The following SEZ6L variants were observed in gnomAD, a reference collection of about 807,000 sequenced individuals.
The protein encoded by SEZ6L is seizure 6-like protein.
Under a neutral mutation model 106.2 loss-of-function variants are expected in SEZ6L, and 37 were observed. That is an observed-to-expected ratio of 0.35 (90% CI 0.27 to 0.46). The LOEUF is 0.46. SEZ6L is among the 20% of genes least tolerant of loss of function. The pLI is 1.00. For missense variants in SEZ6L, 1,172 were observed against 1,332.8 expected, an observed-to-expected ratio of 0.88 and a Z score of 1.88; for synonymous variants, 541 against 570.4, an observed-to-expected ratio of 0.95 and a Z score of 0.73.
intron 5 of SEZ6L, among the ~76,000 whole-genome samples, chr22:26,302,687 T>C (rs979430168): frequency 2.6e-5 from 4 of 152,162 alleles, no homozygotes; most frequent in Non-Finnish European, 4.4e-5. Flanking sequence ...CATAGGGCAG[T>C]TGGTCTTCAC....
intron 1 of SEZ6L, among the ~76,000 whole-genome samples, chr22:26,219,412 T>C (rs544940572): frequency 1.1e-4 from 17 of 152,254 alleles, no homozygotes; most frequent in Non-Finnish European, 1.8e-4. Flanking sequence ...GTTTTATATA[T>C]AGACAGTTTG....
intron 1 of SEZ6L, among the ~76,000 whole-genome samples, chr22:26,235,222 T>C (rs757473029): frequency 3.9e-5 from 6 of 152,158 alleles, no homozygotes; most frequent in Non-Finnish European, 8.8e-5. Flanking sequence ...GTATGATGTT[T>C]AATAGCATCC....
intron 1 of SEZ6L, among the ~76,000 whole-genome samples, chr22:26,234,757 T>C (rs2078907261): frequency 6.6e-6 from 1 of 152,144 alleles, no homozygotes; most frequent in Non-Finnish European, 1.5e-5. Context: ...TAAAGGCAAA[T>C]AGAGCACAGC....
At chr22:26,221,097 T>C (rs764483367) in intron 1 of SEZ6L, among the ~76,000 whole-genome samples, 9 of 151,996 alleles carry the variant, frequency 5.9e-5, no homozygotes, top group South Asian at 2.1e-4. Context: ...CAAATTTCCT[T>C]TGGAAGAGTC....
chr22:26,209,881 AAAGAAGGGAGAG>A (rs2078101104), intron 1 of SEZ6L, among the ~76,000 whole-genome samples: 1 of 148,794 alleles, frequency 6.7e-6, no homozygotes, highest in African/African-American at 2.5e-5. Context: ...GGAAGGAAGG[AAAGAAGGGAGAG>A]AGGAAGGAAG....
chr22:26,332,687 A>G (rs1007056852), intron 9 of SEZ6L, among the ~76,000 whole-genome samples: 1 of 152,114 alleles, frequency 6.6e-6, no homozygotes, highest in African/African-American at 2.4e-5. Context: ...AACTCAAGTG[A>G]TCCTCCAGCC....
chr22:26,260,334 A>G (rs1292643994), intron 1 of SEZ6L, among the ~76,000 whole-genome samples: 1 of 152,088 alleles, frequency 6.6e-6, no homozygotes, highest in East Asian at 1.9e-4. Flanking sequence ...TATCATTCTT[A>G]TGCCTTTTCA....
rs2084473730 is a variant in SEZ6L at position 26,383,511 on chromosome 22, CA to C, written c.*3220del. The C allele has an allele frequency of 6.6e-6, 1 of 152,092 alleles. No individual in the cohort carries two copies. Among genetic ancestry groups the C allele is most frequent in the Non-Finnish European group, 1.5e-5 (1 of 67,992 alleles). The allele number at this position is 152,092 out of a possible 1,614,324, so 9.4% of individuals were successfully genotyped here. On this transcript the variant is annotated 3_prime_UTR_variant, in exon 17 of 17. Transcript: ENST00000248933. ...TTTTATCGCCAAACAAAATAAAAAG[CA>C]AAACAAACTTTCTAAGCTAGAATAA...
intron 1 of SEZ6L, among the ~76,000 whole-genome samples, chr22:26,247,318 AAT>A (rs2079391017): frequency 6.6e-6 from 1 of 152,138 alleles, no homozygotes; most frequent in Non-Finnish European, 1.5e-5. Context: ...TACTGTGTCA[AAT>A]AGTGTCCCCA....
At chr22:26,240,079 C>CAT (rs2079073001) in intron 1 of SEZ6L, among the ~76,000 whole-genome samples, 5 of 141,060 alleles carry the variant, frequency 3.5e-5, no homozygotes, top group Non-Finnish European at 4.5e-5. Flanking sequence ...CACACACACA[C>CAT]ACACACACAC....
rs541159041 is a variant in SEZ6L, at chr22:26,313,701, C to T, written c.1877-63C>T. The T allele has an allele frequency of 8.3e-6, 13 of 1,573,686 alleles. No homozygotes were observed. The East Asian group carries it at 2.3e-4, about 27-fold the overall frequency. The stretch of plus-strand genomic sequence containing the variant: ...TGACTTCATAGCCCACATGGTTAGC[C>T]GCTATGCCACATTGACTTCTTTACA... On this transcript the variant is annotated intron_variant, in intron 8 of 16. Transcript: ENST00000248933.
chr22:26,246,229 A>G (rs1324100807), intron 1 of SEZ6L, among the ~76,000 whole-genome samples: 1 of 152,170 alleles, frequency 6.6e-6, no homozygotes, highest in Non-Finnish European at 1.5e-5. Flanking sequence ...TTCAATTGAG[A>G]ATCCTGAGTT....
At chr22:26,197,498 T>A (rs978369144) in intron 1 of SEZ6L, among the ~76,000 whole-genome samples, 25 of 152,308 alleles carry the variant, frequency 1.6e-4, no homozygotes, top group African/African-American at 5.1e-4. Context: ...GAACTGCAAC[T>A]CTGCTGAGGA....
chr22:26,195,486 A>G (rs778170311), intron 1 of SEZ6L, among the ~76,000 whole-genome samples: 2 of 152,216 alleles, frequency 1.3e-5, no homozygotes, highest in Non-Finnish European at 2.9e-5. Flanking sequence ...AAATGAGATC[A>G]TAATATGTAA....
At chr22:26,214,275 T>C (rs565520591) in intron 1 of SEZ6L, among the ~76,000 whole-genome samples, 1 of 152,350 alleles carries the variant, frequency 6.6e-6, no homozygotes, top group South Asian at 2.1e-4. Context: ...GGTTTCTTCA[T>C]CTGAGAAACG....
At chr22:26,307,842 G>A (rs2081682775) in intron 6 of SEZ6L, among the ~76,000 whole-genome samples, 1 of 152,124 alleles carries the variant, frequency 6.6e-6, no homozygotes, top group South Asian at 2.1e-4. Context: ...ACAAAAGAAT[G>A]CATCAAAATG....
intron 12 of SEZ6L, among the ~76,000 whole-genome samples, chr22:26,356,299 AG>A (rs1448080474): frequency 1.3e-5 from 2 of 152,228 alleles, no homozygotes; most frequent in Non-Finnish European, 1.5e-5. Flanking sequence ...CATTTGAAAA[AG>A]TAATGCACAT....
rs548197118 is a variant in SEZ6L, at chr22:26,383,225, T to C, written c.*2930T>C. ...CTACAGAACCTCAGGCTGATAGCTTTGAAGACTGCCAAACAGCCCAGAAGG... is the reference window on the plus strand; with the variant it reads ...CTACAGAACCTCAGGCTGATAGCTTCGAAGACTGCCAAACAGCCCAGAAGG... On this transcript the variant is annotated 3_prime_UTR_variant, in exon 17 of 17. Coordinates refer to ENST00000248933, the MANE Select transcript of SEZ6L (RefSeq NM_021115.5). The C allele has an allele frequency of 7.9e-5, 12 of 152,124 alleles. No homozygotes were observed. The highest frequency in any genetic ancestry group is 2.7e-4 in the African/African-American group (11 of 41,460). The allele number at this position is 152,124 out of a possible 1,614,324, so 9.4% of individuals were successfully genotyped here.
intron 1 of SEZ6L, among the ~76,000 whole-genome samples, chr22:26,217,107 C>T (rs1226074744): frequency 6.6e-6 from 1 of 152,174 alleles, no homozygotes; most frequent in Non-Finnish European, 1.5e-5. Flanking sequence ...TAATTATCAT[C>T]TCATTTATTC....
Sources: allele counts gnomAD v4.1 joint callset (sites outside exome capture counted in the v4.1 genomes callset), GRCh38; gene constraint gnomAD v4.1.1; transcripts MANE v1.5; gene names NCBI Gene and HGNC (gene_info 2026-07-23, HGNC 2026-07-21).